Variants in ADGRV1 observed in about 807,000 individuals in gnomAD.
ADGRV1 encodes the protein G-protein coupled receptor 98.
Under a neutral mutation model 596.2 loss-of-function variants are expected in ADGRV1, and 359 were observed. The ratio of observed to expected loss-of-function variants is 0.60; its 90% CI spans 0.55 to 0.66. ADGRV1 has a LOEUF of 0.66. ADGRV1 is among the 30% of genes least tolerant of loss of function. The pLI, the probability that ADGRV1 is intolerant of heterozygous loss-of-function variation, is 0.00. For missense variants in ADGRV1, 7,274 were observed against 7,575.6 expected (o/e 0.96, Z 1.48); for synonymous variants, 2,681 against 2,679.2 (o/e 1.00, Z -0.02).
In ADGRV1 at chr5:90,647,709, A is replaced by G. The variant is rs1767995025; in HGVS notation, c.3234A>G (p.Glu1078=). ...AGAGCATATCCATATTTGTTAATGA[A>G]GATGGTATCCCGGAAACAGATGAGC... The part of the protein sequence containing the change: ...RQQSISIFVN[E]DGIPETDEPF... Residue 1078 remains glutamate (E), a synonymous_variant, in exon 17 of 90, where the codon GAA becomes GAG. Transcript: ENST00000405460. The G allele has an allele frequency of 1.9e-6, 3 of 1,613,632 alleles. No homozygotes were observed. Among genetic ancestry groups the G allele is most frequent in the Non-Finnish European group, 2.5e-6 (3 of 1,179,668 alleles).
intron 83 of ADGRV1, among the ~76,000 whole-genome samples, chr5:90,953,152 G>T (rs938685636): frequency 6.6e-6 from 1 of 152,124 alleles, no homozygotes; most frequent in South Asian, 2.1e-4. Context: ...TTGAGTTTCA[G>T]AAGTTTTCGT....
At position 91,083,113 on chromosome 5, in the gene ADGRV1, CCAT is replaced by C. The variant is rs534726658; in HGVS notation, c.18310+10513_18310+10515del. 5.9e-5 allele frequency among the ~76,000 whole-genome samples: 9 copies of C among 152,106 alleles called. No homozygotes were observed. The South Asian group carries it at 1.9e-3, about 32-fold the overall frequency. On this transcript the variant is annotated intron_variant, in intron 86 of 89. Transcript: ENST00000405460. ...AATTTCTTTAAAAATGAATGGTTAGCCATCATTCTCAGCAAAGTGTCGCAAGGA... is the reference window on the plus strand; with the variant it reads ...AATTTCTTTAAAAATGAATGGTTAGCCATTCTCAGCAAAGTGTCGCAAGGA...
At chr5:91,039,883 A>G (rs913477694) in intron 85 of ADGRV1, among the ~76,000 whole-genome samples, 2 of 152,146 alleles carry the variant, frequency 1.3e-5, no homozygotes. Context: ...AGAATATGGG[A>G]GTGGTGGTTT....
intron 83 of ADGRV1, among the ~76,000 whole-genome samples, chr5:90,917,482 A>G (rs1175536915): frequency 1.3e-5 from 2 of 152,036 alleles, no homozygotes; most frequent in African/African-American, 4.8e-5. Context: ...ACCATGTGCT[A>G]GCAGTGGGAA....
At position 90,759,455 on chromosome 5, in the gene ADGRV1, A is replaced by C; in HGVS notation, c.11987A>C (p.Glu3996Ala). The C allele has an allele frequency of 2.5e-6, 4 of 1,591,998 alleles. No individual in the cohort carries two copies. The highest frequency in any genetic ancestry group is 3.4e-6 in the Non-Finnish European group (4 of 1,167,814). ...ACCATAATTGATGATGCTGAATTTG[A>C]ATTGACAGAGACGTTCAATATTTCC... ...EITIIDDAEF[E>A]LTETFNISLI... The change falls in exon 58 of 90, where the codon GAA becomes GCA. Residue 3996 changes from glutamate (E) to alanine (A), a missense_variant. Transcript: ENST00000405460.
At chr5:90,572,518 A>G (rs1046003277) in intron 1 of ADGRV1, among the ~76,000 whole-genome samples, 2 of 152,194 alleles carry the variant, frequency 1.3e-5, no homozygotes, top group Admixed American at 1.3e-4. Context: ...CAGAATAGAA[A>G]TAAAACTGCA....
At chr5:90,687,501 C>T (rs976381991) in intron 29 of ADGRV1, among the ~76,000 whole-genome samples, 9 of 152,248 alleles carry the variant, frequency 5.9e-5, no homozygotes, top group Admixed American at 5.9e-4. Context: ...GACAGGGATG[C>T]CCTCTCTCAC....
intron 9 of ADGRV1, among the ~76,000 whole-genome samples, chr5:90,633,038 T>C (rs1458604049): frequency 6.6e-6 from 1 of 152,164 alleles, no homozygotes; most frequent in Non-Finnish European, 1.5e-5. Context: ...CGCTCCTCAT[T>C]CTTTAGTAAC....
chr5:90,886,597 C>T (rs1770310695), intron 83 of ADGRV1, among the ~76,000 whole-genome samples: 1 of 152,150 alleles, frequency 6.6e-6, no homozygotes. Context: ...GACTCACAAA[C>T]TTTTATCTCC....
intron 67 of ADGRV1, among the ~76,000 whole-genome samples, chr5:90,786,514 G>A (rs1434588789): frequency 6.6e-6 from 1 of 152,184 alleles, no homozygotes; most frequent in Non-Finnish European, 1.5e-5. Flanking sequence ...CTAGTGCAAG[G>A]AAAATGGATT....
At position 90,643,040 on chromosome 5, in the gene ADGRV1, A is replaced by G. The variant is rs760098459; in HGVS notation, c.2552A>G (p.Glu851Gly). 7.5e-6 allele frequency: 12 copies of G among 1,610,212 alleles called. 1 individual carries two copies. In the Admixed American group the frequency reaches 8.3e-5, roughly 11 times the overall value. ...TLLARLDGIP[E>G]LDEHYWVVLS... ...CTAGCAAGATTGGATGGGATACCAG[A>G]GGTATGGGATTTTATATTTTCTTTG... The change falls in exon 13 of 90, where the codon GAG becomes GGG. Residue 851 changes from glutamate (E) to glycine (G), a missense_variant and splice_region_variant. Around this residue, in one of 5 missense-constraint regions of ADGRV1, gnomAD observed 1,715 missense variants for 1,708.8 expected, o/e 1.00. Coordinates refer to ENST00000405460, the MANE Select transcript of ADGRV1 (RefSeq NM_032119.4).
At chr5:90,632,807 A>T (rs192104219) in intron 9 of ADGRV1, among the ~76,000 whole-genome samples, 1 of 152,348 alleles carries the variant, frequency 6.6e-6, no homozygotes, top group East Asian at 1.9e-4. Flanking sequence ...CAAAGGTCTT[A>T]CAGTGCAGTT....
chr5:90,927,528 C>G (rs1774634361), intron 83 of ADGRV1, among the ~76,000 whole-genome samples: 1 of 152,168 alleles, frequency 6.6e-6, no homozygotes, highest in Non-Finnish European at 1.5e-5. Context: ...CTATATGTGT[C>G]TCTGCACGTG....
chr5:90,596,679 A>T (rs1580395762), intron 1 of ADGRV1, among the ~76,000 whole-genome samples: 2 of 152,170 alleles, frequency 1.3e-5, no homozygotes, highest in Admixed American at 6.5e-5. Flanking sequence ...AATTGCAGGC[A>T]CTCCGCAGGC....
intron 18 of ADGRV1, 117 bp from the exon 19 acceptor site, chr5:90,652,229 A>C (rs1768734270): frequency 1.6e-6 from 1 of 625,788 alleles, no homozygotes; most frequent in African/African-American, 1.9e-5. Flanking sequence ...TCGTAGAACC[A>C]GCTGGTTTGT....
intron 87 of ADGRV1, among the ~76,000 whole-genome samples, chr5:91,138,618 A>G (rs1243302734): frequency 1.3e-5 from 2 of 152,180 alleles, no homozygotes; most frequent in African/African-American, 4.8e-5. Flanking sequence ...GACAGTATAT[A>G]TGCTGGAATT....
intron 89 of ADGRV1, among the ~76,000 whole-genome samples, chr5:91,163,016 G>A (rs117645608): frequency 3.2e-3 from 491 of 152,116 alleles, no homozygotes; most frequent in South Asian, 0.029. Flanking sequence ...TCCTCTGAAC[G>A]TTATTACAAA....
At chr5:90,560,748 G>A (rs1754714308) in intron 1 of ADGRV1, among the ~76,000 whole-genome samples, 1 of 152,082 alleles carries the variant, frequency 6.6e-6, no homozygotes, top group South Asian at 2.1e-4. Flanking sequence ...ACATATTTAT[G>A]CTGTATATTT....
intron 86 of ADGRV1, among the ~76,000 whole-genome samples, chr5:91,088,114 G>A (rs1238036938): frequency 2.0e-5 from 3 of 152,114 alleles, no homozygotes; most frequent in African/African-American, 7.2e-5. Context: ...GTGGAAATTT[G>A]CTTATAGGAA....
Sources: gnomAD v4.1 joint callset for allele counts (sites outside exome capture counted in the v4.1 genomes callset) on GRCh38, gnomAD v4.1.1 for gene constraint, gnomAD v4.1.1 regional missense constraint, MANE v1.5 for transcripts, NCBI Gene and HGNC (gene_info 2026-07-23, HGNC 2026-07-21) for gene names.